ETV5: variants seen among roughly 807,000 people sequenced by gnomAD.
ETV5 encodes the protein ETS translocation variant 5.
In ETV5, 10 loss-of-function variants were observed where a neutral mutation model predicts 70.0. That is an observed-to-expected ratio of 0.14 (90% CI 0.09 to 0.24). The LOEUF is 0.24. ETV5 is among the 10% of genes least tolerant of loss of function. The pLI is 1.00. For synonymous variants in ETV5, 216 were observed against 242.2 expected (o/e 0.89, Z 1.01); for missense variants, 453 against 651.2 (o/e 0.70, Z 3.31).
intron 12 of ETV5, among the ~76,000 whole-genome samples, chr3:186,050,898 T>A (rs1476705814): frequency 6.6e-6 from 1 of 152,180 alleles, no homozygotes; most frequent in South Asian, 2.1e-4. Flanking sequence ...ATTAGGAATG[T>A]TCTAGGTCTT....
rs1036413190 is a variant in ETV5, at chr3:186,048,531, A to G, written c.*108T>C. On this transcript the variant is annotated 3_prime_UTR_variant, in exon 13 of 13. Transcript: ENST00000306376. ...AGCTTGGGTTCTCCAGATAATACTC[A>G]AAGGGCAAGCTTTAGGAACAACCAA... The G allele has an allele frequency of 2.1e-5, 21 of 1,020,962 alleles. No individual in the cohort carries two copies. Among genetic ancestry groups the G allele is most frequent in the Non-Finnish European group, 3.1e-5 (21 of 672,762 alleles). 63.2% of individuals were successfully genotyped at this position (1,020,962 alleles called of 1,614,324 possible). A position where few individuals can be genotyped will look rare whatever the true frequency, so the allele number is the denominator to read the frequency against.
chr3:186,076,929 T>C (rs1713807654), intron 7 of ETV5, among the ~76,000 whole-genome samples: 2 of 152,240 alleles, frequency 1.3e-5, no homozygotes, highest in South Asian at 4.1e-4. Flanking sequence ...AAAACAAATT[T>C]ATCAAGGTCA....
intron 5 of ETV5, among the ~76,000 whole-genome samples, chr3:186,100,621 G>A (rs770974321): frequency 6.6e-6 from 1 of 152,148 alleles, no homozygotes; most frequent in Non-Finnish European, 1.5e-5. Flanking sequence ...ATGAAAAGTC[G>A]ATTTTATCAG....
chr3:186,089,247 A>T (rs1714126007), intron 5 of ETV5, among the ~76,000 whole-genome samples: 1 of 152,248 alleles, frequency 6.6e-6, no homozygotes, highest in Admixed American at 6.5e-5. Flanking sequence ...GCCTGGCAAC[A>T]GTTTCCAAAA....
At position 186,057,479 on chromosome 3, in the gene ETV5, T is replaced by C. The variant is rs1713193592; in HGVS notation, c.983A>G (p.Glu328Gly). Reference sequence around the variant, plus strand: ...GTCAAAGTATAATCGGGGATCTTTTTCATATGAAAAACCTGAAAGAGAATT... The same window carrying C: ...GTCAAAGTATAATCGGGGATCTTTTCCATATGAAAAACCTGAAAGAGAATT... ...FSSSHEGFSYEKDPRLYFDDT... is the reference protein window; with the variant it reads ...FSSSHEGFSYGKDPRLYFDDT... Residue 328 changes from glutamate (E) to glycine (G), a missense_variant, in exon 10 of 13, where the codon GAA becomes GGA. Around this residue, in one of 4 missense-constraint regions of ETV5, gnomAD observed 307 missense variants for 344.9 expected, o/e 0.89. Transcript: ENST00000306376. The surrounding 1 kb of genome is among the most constrained non-coding windows in gnomAD (Gnocchi z 4.9). The C allele has an allele frequency of 6.2e-7, 1 of 1,613,986 alleles. No individual in the cohort carries two copies. The highest frequency in any genetic ancestry group is 8.5e-7 in the Non-Finnish European group (1 of 1,179,868).
chr3:186,073,138 A>G (rs541994508), intron 7 of ETV5, among the ~76,000 whole-genome samples: 2 of 152,342 alleles, frequency 1.3e-5, no homozygotes, highest in East Asian at 1.9e-4. Flanking sequence ...TCTCAAAACA[A>G]AACAAAACAA....
At chr3:186,053,440 A>C (rs557451807) in intron 11 of ETV5, among the ~76,000 whole-genome samples, 1 of 150,084 alleles carries the variant, frequency 6.7e-6, no homozygotes, top group South Asian at 2.1e-4. Flanking sequence ...AACATGGAGT[A>C]GGAATCAGAG....
At chr3:186,049,885 C>G (rs1362854061) in intron 12 of ETV5, among the ~76,000 whole-genome samples, 1 of 152,116 alleles carries the variant, frequency 6.6e-6, no homozygotes, top group Non-Finnish European at 1.5e-5. Flanking sequence ...AGATCAGAAG[C>G]TGGGAGTTGC....
intron 7 of ETV5, among the ~76,000 whole-genome samples, chr3:186,069,731 A>T (rs756811253): frequency 1.3e-5 from 2 of 152,158 alleles, no homozygotes; most frequent in Non-Finnish European, 2.9e-5. Context: ...TCCAGGACTC[A>T]GTGATCTGCC....
At chr3:186,095,094 G>C (rs1372232003) in intron 5 of ETV5, 1 of 152,170 alleles carries the variant, frequency 6.6e-6, no homozygotes, top group Non-Finnish European at 1.5e-5. Flanking sequence ...GCTCTTCAAA[G>C]AATTTTAATA....
intron 7 of ETV5, among the ~76,000 whole-genome samples, chr3:186,067,035 C>G (rs1036537139): frequency 3.3e-5 from 5 of 152,214 alleles, no homozygotes; most frequent in Non-Finnish European, 7.3e-5. Context: ...TGGCTCATGC[C>G]AGTAATCCCA....
chr3:186,066,816 T>G (rs1261346628), intron 7 of ETV5, among the ~76,000 whole-genome samples: 1 of 152,134 alleles, frequency 6.6e-6, no homozygotes, highest in Non-Finnish European at 1.5e-5. Context: ...ATTAAAACAA[T>G]AATACAACAA....
At chr3:186,073,885 G>A (rs1713706588) in intron 7 of ETV5, among the ~76,000 whole-genome samples, 3 of 152,286 alleles carry the variant, frequency 2.0e-5, no homozygotes, top group East Asian at 1.9e-4. Context: ...CCAGCCTTAA[G>A]AGAAATTTTA....
chr3:186,053,457 C>G (rs573129826), intron 11 of ETV5, among the ~76,000 whole-genome samples: 3 of 152,312 alleles, frequency 2.0e-5, no homozygotes, highest in African/African-American at 4.8e-5. Context: ...AGAGAGAAAA[C>G]AGCATTTCAC....
At chr3:186,071,753 A>G (rs567605296) in intron 7 of ETV5, among the ~76,000 whole-genome samples, 111 of 151,728 alleles carry the variant, frequency 7.3e-4, no homozygotes, top group Non-Finnish European at 1.2e-3. Flanking sequence ...AGTTCCTTAC[A>G]TGAGGTCGGG....
chr3:186,059,137 C>T (rs1019280947), intron 9 of ETV5, among the ~76,000 whole-genome samples: 7 of 152,112 alleles, frequency 4.6e-5, no homozygotes, highest in African/African-American at 7.2e-5. Flanking sequence ...CAAGTAGCTT[C>T]TTGGCAGGAG....
chr3:186,106,720 T>A (rs1431873863), intron 1 of ETV5, among the ~76,000 whole-genome samples: 2 of 152,122 alleles, frequency 1.3e-5, no homozygotes, highest in African/African-American at 4.8e-5. Flanking sequence ...AGCGGAATCA[T>A]TTTTTTCTAG....
chr3:186,063,395 C>T (rs1412322373), intron 9 of ETV5, among the ~76,000 whole-genome samples: 1 of 152,184 alleles, frequency 6.6e-6, no homozygotes, highest in East Asian at 1.9e-4. Flanking sequence ...TTATTTGTTC[C>T]CAATTACTTT....
chr3:186,100,798 T>C (rs1307448262), intron 5 of ETV5, among the ~76,000 whole-genome samples: 1 of 152,218 alleles, frequency 6.6e-6, no homozygotes, highest in Non-Finnish European at 1.5e-5. Context: ...TGAAATAAGA[T>C]TTTTATCATG....
Sources: allele counts gnomAD v4.1 joint callset (sites outside exome capture counted in the v4.1 genomes callset), GRCh38; gene constraint gnomAD v4.1.1; regional missense constraint gnomAD v4.1.1; non-coding constraint Gnocchi (gnomAD v3.1); transcripts MANE v1.5; gene names NCBI Gene and HGNC (gene_info 2026-07-23, HGNC 2026-07-21).